The following ZNF521 variants were observed in gnomAD, a reference collection of about 807,000 sequenced individuals.
ZNF521 encodes the protein LYST-interacting protein 3.
ZNF521 carries 14 observed loss-of-function variants against 105.5 expected under a neutral mutation model. That is an observed-to-expected ratio of 0.13 (90% CI 0.09 to 0.21). ZNF521 has a LOEUF of 0.21. Ranked by LOEUF, ZNF521 falls within the 10% of genes least tolerant of loss-of-function variation. The pLI is 1.00. For missense variants in ZNF521, 1,233 were observed against 1,629.7 expected, an observed-to-expected ratio of 0.76 and a Z score of 4.19; for synonymous variants, 635 against 606.0, an observed-to-expected ratio of 1.05 and a Z score of -0.70.
intron 3 of ZNF521, among the ~76,000 whole-genome samples, chr18:25,279,544 A>G (rs1910235752): frequency 6.6e-6 from 1 of 152,228 alleles, no homozygotes; most frequent in South Asian, 2.1e-4. Flanking sequence ...TTGCAGAGGG[A>G]TGGACAACAC....
intron 7 of ZNF521, among the ~76,000 whole-genome samples, chr18:25,081,432 A>C (rs1234430537): frequency 3.9e-5 from 6 of 152,204 alleles, no homozygotes; most frequent in Admixed American, 3.3e-4. Flanking sequence ...TGTAGAAACA[A>C]TTCAAATGCA....
At chr18:25,327,123 C>T (rs1036609825) in intron 2 of ZNF521, among the ~76,000 whole-genome samples, 2 of 152,196 alleles carry the variant, frequency 1.3e-5, no homozygotes, top group Non-Finnish European at 1.5e-5. Context: ...CAACACTACA[C>T]TGCTAGTGAA....
At chr18:25,279,772 T>C (rs969700023) in intron 3 of ZNF521, among the ~76,000 whole-genome samples, 1 of 152,176 alleles carries the variant, frequency 6.6e-6, no homozygotes, top group Non-Finnish European at 1.5e-5. Flanking sequence ...GGGGTTCTAA[T>C]GACTAACCAC....
chr18:25,184,478 A>ACTT (rs2035687163), intron 5 of ZNF521, among the ~76,000 whole-genome samples: 1 of 152,164 alleles, frequency 6.6e-6, no homozygotes, highest in Admixed American at 6.6e-5. Flanking sequence ...TCTTGTGGTG[A>ACTT]CTTACTAAAT....
chr18:25,344,388 G>A (rs907328936), intron 2 of ZNF521, among the ~76,000 whole-genome samples: 1 of 152,024 alleles, frequency 6.6e-6, no homozygotes, highest in Non-Finnish European at 1.5e-5. Context: ...AGTTTTAATT[G>A]CTTTGTAATA....
chr18:25,350,253 A>G (rs1346712452), intron 2 of ZNF521, among the ~76,000 whole-genome samples: 3 of 151,964 alleles, frequency 2.0e-5, no homozygotes, highest in Admixed American at 6.5e-5. Context: ...GGGGAGAAGT[A>G]GGGGCGAGGG....
At chr18:25,345,956 T>C (rs185925798) in intron 2 of ZNF521, among the ~76,000 whole-genome samples, 8 of 152,328 alleles carry the variant, frequency 5.3e-5, no homozygotes, top group African/African-American at 1.9e-4. Flanking sequence ...ATTAGTATTT[T>C]TGCCTGTACA....
intron 3 of ZNF521, among the ~76,000 whole-genome samples, chr18:25,289,880 A>C (rs1396169080): frequency 2.6e-5 from 4 of 152,222 alleles, no homozygotes; most frequent in Admixed American, 6.5e-5. Context: ...ACTATTTATG[A>C]CGTGTTCAAG....
chr18:25,262,541 T>A (rs1040978409), intron 3 of ZNF521, among the ~76,000 whole-genome samples: 1 of 152,234 alleles, frequency 6.6e-6, no homozygotes, highest in Non-Finnish European at 1.5e-5. Context: ...TTTGTCATTC[T>A]ATAAACATTT....
intron 7 of ZNF521, among the ~76,000 whole-genome samples, chr18:25,078,033 G>A (rs2144154012): frequency 6.6e-6 from 1 of 152,284 alleles, no homozygotes; most frequent in Admixed American, 6.5e-5. Flanking sequence ...CTCCTCTGGA[G>A]AGCAGAAAAT....
rs542350304 is a variant in ZNF521 at position 25,306,948 on chromosome 18, G to A, written c.220+15060C>T. Among the ~76,000 whole-genome samples, 20 of 151,778 alleles carry A rather than the reference G, an allele frequency of 1.3e-4. No individual in the cohort carries two copies. The South Asian group carries it at 3.6e-3, about 27-fold the overall frequency. ...GCTTTAAACAATTCTACCCAGAAAA[G>A]TATCTCAGATTTAACACAAGCAAAA... On this transcript the variant is annotated intron_variant, in intron 3 of 7. Transcript: ENST00000361524.
chr18:25,303,571 C>T (rs9946346), intron 3 of ZNF521, among the ~76,000 whole-genome samples: 16,552 of 152,124 alleles, frequency 0.11, 2,062 homozygotes, highest in East Asian at 0.3. Context: ...GCTGGGATTA[C>T]AAGCATGAGC....
At chr18:25,157,508 G>A (rs764922553) in intron 5 of ZNF521, among the ~76,000 whole-genome samples, 1 of 152,180 alleles carries the variant, frequency 6.6e-6, no homozygotes, top group Non-Finnish European at 1.5e-5. Flanking sequence ...AATACTATTA[G>A]AAGAGCAACA....
At chr18:25,224,241 T>C (rs756017480) in intron 4 of ZNF521, 104 bp downstream of exon 4, 1 of 1,074,626 alleles carries the variant, frequency 9.3e-7, no homozygotes, top group Non-Finnish European at 1.3e-6. Flanking sequence ...AATCTAAGCA[T>C]CTTTTGGCCC....
intron 3 of ZNF521, among the ~76,000 whole-genome samples, chr18:25,287,054 C>T (rs1384614384): frequency 6.6e-6 from 1 of 152,140 alleles, no homozygotes; most frequent in Non-Finnish European, 1.5e-5. Flanking sequence ...TTTTTCTTAT[C>T]TAGCTTAAAA....
chr18:25,189,231 T>C (rs935991372), intron 5 of ZNF521, among the ~76,000 whole-genome samples: 7 of 152,298 alleles, frequency 4.6e-5, no homozygotes, highest in Admixed American at 4.6e-4. Context: ...GGAGCCTTGG[T>C]ACGTTCCTGT....
At chr18:25,197,979 C>T (rs1260422077) in intron 4 of ZNF521, among the ~76,000 whole-genome samples, 3 of 151,536 alleles carry the variant, frequency 2.0e-5, no homozygotes, top group Non-Finnish European at 3.0e-5. Context: ...TAAAAGACAA[C>T]AAAAAAAGTC....
chr18:25,086,818 A>G (rs531140179), intron 7 of ZNF521, among the ~76,000 whole-genome samples: 18 of 152,282 alleles, frequency 1.2e-4, no homozygotes, highest in Non-Finnish European at 2.5e-4. Context: ...GTTTTGGTAG[A>G]TGTTTGACTA....
At chr18:25,287,360 T>A (rs1910766323) in intron 3 of ZNF521, among the ~76,000 whole-genome samples, 1 of 152,234 alleles carries the variant, frequency 6.6e-6, no homozygotes, top group South Asian at 2.1e-4. Context: ...GATAATTTGC[T>A]AGTTTCAGAG....
Sources: gnomAD v4.1 joint callset for allele counts (sites outside exome capture counted in the v4.1 genomes callset) on GRCh38, gnomAD v4.1.1 for gene constraint, MANE v1.5 for transcripts, NCBI Gene and HGNC (gene_info 2026-07-23, HGNC 2026-07-21) for gene names.